Variants in ERG observed in about 807,000 individuals in gnomAD.
ERG encodes the protein ETS transcription factor ERG, also known as transcriptional regulator ERG.
In ERG, 9 loss-of-function variants were observed where a neutral mutation model predicts 55.3. That is an observed-to-expected ratio of 0.16 (90% confidence interval 0.10 to 0.28). The LOEUF (loss-of-function observed/expected upper bound fraction) is 0.28, where lower values mean the gene tolerates loss of function less well. Ranked by LOEUF, ERG falls within the 10% of genes least tolerant of loss-of-function variation. The pLI is 1.00. For missense variants in ERG, 434 were observed against 631.6 expected, an observed-to-expected ratio of 0.69 and a Z score of 3.35; for synonymous variants, 223 against 237.3, an observed-to-expected ratio of 0.94 and a Z score of 0.55.
At position 38,414,626 on chromosome 21, in the gene ERG, A is replaced by G. The variant is rs542364438; in HGVS notation, c.388+8784T>C. Among the ~76,000 whole-genome samples, 4 of 152,254 alleles carry G rather than the reference A, an allele frequency of 2.6e-5. No individual in the cohort carries two copies. The South Asian group carries it at 8.3e-4, about 32-fold the overall frequency. ...ATCATCCATATTTTGGTGATGAAAA[A>G]CCTGAGAAACAGCAAGATTAAGTAG... On this transcript the variant is annotated intron_variant, in intron 3 of 9. Coordinates refer to ENST00000288319, the MANE Select transcript of ERG (RefSeq NM_182918.4).
rs1324167554 is a variant in ERG, at chr21:38,460,553, C to T, written c.19-14932G>A. The stretch of plus-strand genomic sequence containing the variant: ...TCCTTTGTCCCACATGCAACGGGAA[C>T]TTCCATTCATCATCACATGCAGAAA... On this transcript the variant is annotated intron_variant, in intron 1 of 9. Transcript: ENST00000288319. The surrounding 1 kb of genome is among the most constrained non-coding windows in gnomAD (Gnocchi z 5.0). 6.6e-6 allele frequency among the ~76,000 whole-genome samples: 1 copy of T among 152,176 alleles called. No homozygotes were observed. Among genetic ancestry groups the T allele is most frequent in the Non-Finnish European group, 1.5e-5 (1 of 68,040 alleles).
chr21:38,434,830 T>C (rs752271778), intron 2 of ERG, among the ~76,000 whole-genome samples: 44 of 152,256 alleles, frequency 2.9e-4, no homozygotes, highest in Non-Finnish European at 8.8e-5. Flanking sequence ...TGTGCATGGC[T>C]GTGCATGCGT....
chr21:38,487,499 T>C (rs2059297412), intron 1 of ERG, among the ~76,000 whole-genome samples: 1 of 152,172 alleles, frequency 6.6e-6, no homozygotes, highest in Admixed American at 6.5e-5. Context: ...AAGGGAGATT[T>C]TCAGAGAGGA....
At chr21:38,536,367 G>A (rs576486466) in intron 2 of ERG, among the ~76,000 whole-genome samples, 4 of 152,238 alleles carry the variant, frequency 2.6e-5, no homozygotes, top group African/African-American at 7.2e-5. Context: ...TTCAAGAAGA[G>A]TCATTCCATC....
chr21:38,573,948 C>T (rs1427116089), intron 2 of ERG, among the ~76,000 whole-genome samples: 1 of 152,208 alleles, frequency 6.6e-6, no homozygotes, highest in Non-Finnish European at 1.5e-5. Flanking sequence ...AACGTTTCTA[C>T]CAACACACAT....
At chr21:38,398,144 C>T (rs1988317944) in intron 6 of ERG, among the ~76,000 whole-genome samples, 1 of 152,124 alleles carries the variant, frequency 6.6e-6, no homozygotes, top group African/African-American at 2.4e-5. Context: ...TTCCCAGTGA[C>T]CTCCCTCTGG....
chr21:38,413,153 G>C (rs1989134728), intron 3 of ERG, among the ~76,000 whole-genome samples: 1 of 152,078 alleles, frequency 6.6e-6, no homozygotes, highest in African/African-American at 2.4e-5. Context: ...AGGACAACCA[G>C]GTGTCAACAT....
At chr21:38,391,426 T>A (rs774643776) in intron 8 of ERG, among the ~76,000 whole-genome samples, 30 of 152,190 alleles carry the variant, frequency 2.0e-4, no homozygotes, top group Non-Finnish European at 4.3e-4. Context: ...AAGCAGCCTG[T>A]GTGCACGTAG....
intron 1 of ERG, among the ~76,000 whole-genome samples, chr21:38,476,903 C>T (rs757959197): frequency 1.3e-5 from 2 of 152,034 alleles, no homozygotes; most frequent in Non-Finnish European, 2.9e-5. Flanking sequence ...AATAAAATCA[C>T]CAGGTTTAGG....
chr21:38,611,027 G>C (rs2060223679), intron 1 of ERG, among the ~76,000 whole-genome samples: 1 of 152,184 alleles, frequency 6.6e-6, no homozygotes, highest in African/African-American at 2.4e-5. Context: ...AGCAGGACTG[G>C]CAGAAGGTGG....
intron 2 of ERG, among the ~76,000 whole-genome samples, chr21:38,560,620 G>A (rs752445744): frequency 2.0e-5 from 3 of 152,134 alleles, no homozygotes; most frequent in East Asian, 1.9e-4. Flanking sequence ...TCCTAATTCC[G>A]TCTCAACATC....
intron 2 of ERG, among the ~76,000 whole-genome samples, chr21:38,525,015 C>G (rs2059620291): frequency 6.6e-6 from 1 of 152,202 alleles, no homozygotes; most frequent in South Asian, 2.1e-4. Flanking sequence ...GAGAGTCCAT[C>G]TTAGAAGCGG....
intron 2 of ERG, among the ~76,000 whole-genome samples, chr21:38,550,114 G>A (rs941454837): frequency 6.6e-6 from 1 of 152,138 alleles, no homozygotes; most frequent in Admixed American, 6.5e-5. Context: ...CGGTGGTGGG[G>A]TGCTTCATCC....
chr21:38,429,466 CAT>C lies in ERG; in HGVS notation c.237-5907_237-5906del, dbSNP rs146022647. On this transcript the variant is annotated intron_variant, in intron 2 of 9. Coordinates refer to ENST00000288319, the MANE Select transcript of ERG (RefSeq NM_182918.4). The stretch of plus-strand genomic sequence containing the variant: ...ACACGTGTACACATGTACATATACA[CAT>C]ATGTGTATATACATGTATGCACATG... Among the ~76,000 whole-genome samples the C allele has an allele frequency of 1.8e-4, 26 of 142,294 alleles. 10 individuals carry two copies. The highest frequency in any genetic ancestry group is 1.1e-3 in the East Asian group (4 of 3,710). 93.4% of individuals were successfully genotyped at this position (142,294 alleles called of 152,430 possible).
At chr21:38,492,142 G>A (rs1436537742) in intron 1 of ERG, among the ~76,000 whole-genome samples, 1 of 152,214 alleles carries the variant, frequency 6.6e-6, no homozygotes, top group African/African-American at 2.4e-5. Context: ...ATGATAAAGA[G>A]AAGGGAGACA....
chr21:38,459,832 C>G (rs1420091565), intron 1 of ERG, among the ~76,000 whole-genome samples: 1 of 152,204 alleles, frequency 6.6e-6, no homozygotes, highest in Non-Finnish European at 1.5e-5. Context: ...ACCACAAAGA[C>G]ACCTATCTGC....
At chr21:38,489,598 G>A (rs530924476) in intron 1 of ERG, among the ~76,000 whole-genome samples, 15 of 152,286 alleles carry the variant, frequency 9.8e-5, no homozygotes, top group East Asian at 5.8e-4. Context: ...TTATTTTTAC[G>A]TGACTATAAA....
chr21:38,558,061 G>GC (rs1568911389), intron 2 of ERG, among the ~76,000 whole-genome samples: 1 of 135,514 alleles, frequency 7.4e-6, no homozygotes, highest in African/African-American at 2.8e-5. Flanking sequence ...CTAAGTTTTG[G>GC]GGGGGGGTCC....
chr21:38,424,181 G>GCTCT (rs1202954918), intron 2 of ERG, among the ~76,000 whole-genome samples: 9 of 88,004 alleles, frequency 1.0e-4, no homozygotes, highest in African/African-American at 3.9e-4. Flanking sequence ...AGAGACCAGA[G>GCTCT]CTCGAGCTCT....
Sources: allele counts gnomAD v4.1 joint callset (sites outside exome capture counted in the v4.1 genomes callset), GRCh38; gene constraint gnomAD v4.1.1; non-coding constraint Gnocchi (gnomAD v3.1); transcripts MANE v1.5; gene names NCBI Gene and HGNC (gene_info 2026-07-23, HGNC 2026-07-21).